AQP8: variants seen among roughly 807,000 people sequenced by gnomAD.
AQP8 encodes aquaporin 8.
In AQP8, 14 loss-of-function variants were observed where a neutral mutation model predicts 26.1. The ratio of observed to expected loss-of-function variants is 0.54; its 90% CI spans 0.35 to 0.84. The LOEUF is 0.84. AQP8 is among the 40% of genes least tolerant of loss of function. The pLI, the probability that AQP8 is intolerant of heterozygous loss-of-function variation, is 0.01. For synonymous variants in AQP8, 131 were observed against 150.7 expected (o/e 0.87, Z 0.96); for missense variants, 301 against 340.5 (o/e 0.88, Z 0.91).
At chr16:25,226,479 A>G (rs530041359) in intron 4 of AQP8, among the ~76,000 whole-genome samples, 1 of 151,856 alleles carries the variant, frequency 6.6e-6, no homozygotes, top group African/African-American at 2.4e-5. Flanking sequence ...CTGGTCTCTA[A>G]CTCCTGACCT....
At chr16:25,221,650 G>T (rs1326113754) in intron 3 of AQP8, 67 bp downstream of exon 3, 18 of 1,581,076 alleles carry the variant, frequency 1.1e-5, no homozygotes, top group Non-Finnish European at 1.6e-5. Context: ...GCATATGTGG[G>T]TGTGTGTGTG....
rs549570342 is a variant in AQP8 at position 25,224,320 on chromosome 16, T to C, written c.388-42T>C. 6 of 1,565,494 alleles carry C rather than the reference T, an allele frequency of 3.8e-6. No homozygotes were observed. The Admixed American group carries it at 9.4e-5, about 24-fold the overall frequency. ...GCCCTCTCCCCTCAGTTTCCAGCTG[T>C]CTCTCTGCCCCACTGTGAGGCTCAG... On this transcript the variant is annotated intron_variant, in intron 3 of 5. Transcript: ENST00000219660.
At chr16:25,221,017 C>T (rs1962555181) in intron 2 of AQP8, among the ~76,000 whole-genome samples, 1 of 152,190 alleles carries the variant, frequency 6.6e-6, no homozygotes, top group Non-Finnish European at 1.5e-5. Flanking sequence ...CACCATTGCA[C>T]TGCAGCCCGC....
At chr16:25,218,741 G>T (rs1254387280) in intron 2 of AQP8, among the ~76,000 whole-genome samples, 3 of 151,532 alleles carry the variant, frequency 2.0e-5, no homozygotes, top group Admixed American at 2.0e-4. Context: ...TTAGCTGGGC[G>T]TGGGGGCAGG....
At position 25,220,059 on chromosome 16, in the gene AQP8, ACAAAT is replaced by A. The variant is rs1962539317; in HGVS notation, c.261-1388_261-1384del. Among the ~76,000 whole-genome samples the A allele has an allele frequency of 2.6e-5, 4 of 151,848 alleles. No individual in the cohort carries two copies. The South Asian group carries it at 6.2e-4, about 24-fold the overall frequency. On this transcript the variant is annotated intron_variant, in intron 2 of 5. Coordinates refer to ENST00000219660, the MANE Select transcript of AQP8 (RefSeq NM_001169.3). ...CAAAAAAAAAAACAAAAAACAAAAA[ACAAAT>A]CAAATCAAACCGTGCATGGAGCTTA...
Position 25,227,156 on chromosome 16 carries a change from T to C in AQP8, c.691T>C (p.Trp231Arg). Residue 231 changes from tryptophan (W) to arginine (R), a missense_variant, in exon 5 of 6, where the codon TGG (tryptophan) becomes CGG (arginine). Physicochemically the swap from Trp to Arg is moderately radical, Grantham distance 101. Transcript: ENST00000219660. ...CCACTGGAACTTCCACTGGATCTAC[T>C]GGCTGGGCCCACTCCTGGCTGGCCT... is the stretch of plus-strand genomic sequence containing the variant. ...ANHWNFHWIY[W>R]LGPLLAGLLV... 6.2e-7 allele frequency: 1 copy of C among 1,614,136 alleles called. No individual in the cohort carries two copies. The highest frequency in any genetic ancestry group is 8.5e-7 in the Non-Finnish European group (1 of 1,180,038).
rs1003483659 is a variant in AQP8, at chr16:25,228,820, C to A, written c.*328C>A. ...AGGAGGCTGTTTCTGCACATCAGCT[C>A]ATTTCCCGCACCCCATTTCTTGCTT... On this transcript the variant is annotated 3_prime_UTR_variant, in exon 6 of 6. Transcript: ENST00000219660. 8.8e-6 allele frequency: 2 copies of A among 228,328 alleles called. No homozygotes were observed. Among genetic ancestry groups the A allele is most frequent in the Non-Finnish European group, 1.7e-5 (2 of 116,514 alleles). 14.1% of individuals were successfully genotyped at this position (228,328 alleles called of 1,614,324 possible). A position where few individuals can be genotyped will look rare whatever the true frequency, so the allele number is the denominator to read the frequency against.
Position 25,228,482 on chromosome 16 carries a change from AG to A in AQP8, c.778del (p.Ala260LeufsTer121). ...IGDGKTRLIL[K>X]AR ...GATGGGAAGACCCGCCTCATCCTGAAGGCTCGGTGAAGCAGAGCTCGTGGGA... is the reference window on the plus strand; with the variant it reads ...GATGGGAAGACCCGCCTCATCCTGAAGCTCGGTGAAGCAGAGCTCGTGGGA... On this transcript the variant is annotated frameshift_variant, in exon 6 of 6. Transcript: ENST00000219660. LOFTEE classifies it high-confidence loss of function. 3 of 1,614,020 alleles carry A rather than the reference AG, an allele frequency of 1.9e-6. No homozygotes were observed. The highest frequency in any genetic ancestry group is 2.5e-6 in the Non-Finnish European group (3 of 1,179,938).
intron 4 of AQP8, 28 bp downstream of exon 4, chr16:25,224,604 C>T: frequency 6.3e-7 from 1 of 1,594,628 alleles, no homozygotes; most frequent in Non-Finnish European, 8.5e-7. Context: ...GTGGGGTGAC[C>T]ATGCCCAGAT....
Position 25,217,390 on chromosome 16 carries a change from G to A in AQP8, c.205G>A (p.Ala69Thr), listed in dbSNP as rs1398523897. The A allele has an allele frequency of 6.2e-7, 1 of 1,614,030 alleles. No individual in the cohort carries two copies. The highest frequency in any genetic ancestry group is 1.3e-5 in the African/African-American group (1 of 74,924). ...GACGGACACTGGGCTGCTGCAGCCG[G>A]CCCTGGCCCACGGGCTGGCTTTGGG... ...NGTDTGLLQP[A>T]LAHGLALGLV... Residue 69 changes from alanine to threonine, a missense_variant, in exon 2 of 6, where the codon GCC becomes ACC. Coordinates refer to ENST00000219660, the MANE Select transcript of AQP8 (RefSeq NM_001169.3).
intron 5 of AQP8, among the ~76,000 whole-genome samples, chr16:25,228,056 A>G (rs893507845): frequency 4.5e-5 from 4 of 88,576 alleles, no homozygotes; most frequent in African/African-American, 2.3e-4. Flanking sequence ...ACTTGAAGTC[A>G]GGAGTTGGAG....
Position 25,224,366 on chromosome 16 carries a change from T to C in AQP8, c.392T>C (p.Val131Ala), listed in dbSNP as rs777810756. 7 of 1,610,964 alleles carry C rather than the reference T, an allele frequency of 4.3e-6. No individual in the cohort carries two copies. Among genetic ancestry groups the C allele is most frequent in the Middle Eastern group, 1.8e-4 (1 of 5,538 alleles). The change falls in exon 4 of 6, where the codon GTG becomes GCG. Residue 131 changes from valine (V) to alanine (A), a missense_variant. By Grantham distance (64) the Val-to-Ala change is moderately conservative. Transcript: ENST00000219660. ...GMLGAALAKA[V>A]SPEERFWNAS... ...CTCAGCAGCTTCTCTGTGCAGGCGG[T>C]GAGTCCTGAGGAGAGGTTCTGGAAT...
chr16:25,217,890 G>GT (rs145770321), intron 2 of AQP8, among the ~76,000 whole-genome samples: 2,467 of 149,142 alleles, frequency 0.017, 71 homozygotes, highest in African/African-American at 0.055. Flanking sequence ...GCTTTTAAAT[G>GT]TTTTTTTTTT....
chr16:25,222,460 G>C (rs1452753456), intron 3 of AQP8, among the ~76,000 whole-genome samples: 1 of 151,968 alleles, frequency 6.6e-6, no homozygotes, highest in Non-Finnish European at 1.5e-5. Flanking sequence ...TCCTGCCTTG[G>C]CCTCCCAAAG....
chr16:25,228,407 C>G (rs184696358), intron 5 of AQP8, 37 bp from the exon 6 acceptor site: 4 of 1,611,780 alleles, frequency 2.5e-6, no homozygotes, highest in Non-Finnish European at 3.4e-6. Context: ...GGTCTCACCT[C>G]CGGGGCAGAG....
intron 2 of AQP8, among the ~76,000 whole-genome samples, chr16:25,219,996 T>C (rs1456073619): frequency 6.6e-6 from 1 of 151,462 alleles, no homozygotes; most frequent in Non-Finnish European, 1.5e-5. Context: ...GATTGCACCA[T>C]TGCACTCCAG....
At chr16:25,223,735 T>C (rs1477101463) in intron 3 of AQP8, among the ~76,000 whole-genome samples, 1 of 152,200 alleles carries the variant, frequency 6.6e-6, no homozygotes, top group Non-Finnish European at 1.5e-5. Context: ...ATAGTTTATG[T>C]TCTTTTTCTC....
At chr16:25,226,750 T>A (rs1218298080) in intron 4 of AQP8, among the ~76,000 whole-genome samples, 1 of 152,218 alleles carries the variant, frequency 6.6e-6, no homozygotes, top group Non-Finnish European at 1.5e-5. Flanking sequence ...TGAAACTGAT[T>A]GACTTTCCTT....
At position 25,216,960 on chromosome 16, in the gene AQP8, C is replaced by T; in HGVS notation, c.-86C>T. ...CATAGTGTGATCAGCAGGTCCTGTC[C>T]CTAGGAGATAAGAGTATCTTGCACA... On this transcript the variant is annotated 5_prime_UTR_variant, in exon 1 of 6. Transcript: ENST00000219660. 1.3e-6 allele frequency: 2 copies of T among 1,580,546 alleles called. No individual in the cohort carries two copies. Among genetic ancestry groups the T allele is most frequent in the East Asian group, 2.2e-5 (1 of 44,478 alleles).
Sources: allele counts gnomAD v4.1 joint callset (sites outside exome capture counted in the v4.1 genomes callset), GRCh38; gene constraint gnomAD v4.1.1; transcripts MANE v1.5; gene names NCBI Gene and HGNC (gene_info 2026-07-23, HGNC 2026-07-21).